The following SPATA6 variants were observed in gnomAD, a reference collection of about 807,000 sequenced individuals.
SPATA6 encodes spermatogenesis-associated protein 6.
SPATA6 carries 56 observed loss-of-function variants against 65.3 expected under a neutral mutation model. That is an observed-to-expected ratio of 0.86 (90% CI 0.69 to 1.07). The LOEUF (loss-of-function observed/expected upper bound fraction) is 1.07, where lower values mean the gene tolerates loss of function less well. SPATA6 is among the 50% of genes least tolerant of loss of function. SPATA6 has a pLI of 0.00. For synonymous variants in SPATA6, 199 were observed against 213.2 expected (o/e 0.93, Z 0.58); for missense variants, 590 against 594.8 (o/e 0.99, Z 0.08).
At chr1:48,456,827 A>G (rs1287886972) in intron 1 of SPATA6, among the ~76,000 whole-genome samples, 1 of 152,196 alleles carries the variant, frequency 6.6e-6, no homozygotes, top group African/African-American at 2.4e-5. Flanking sequence ...AAAATTATCC[A>G]GTCTGATTAA....
intron 5 of SPATA6, among the ~76,000 whole-genome samples, chr1:48,407,349 T>C (rs545856422): frequency 2.0e-5 from 3 of 152,296 alleles, no homozygotes; most frequent in East Asian, 1.9e-4. Context: ...CCTTTATTGT[T>C]ACCTTACTCC....
rs1406645367 is a variant in SPATA6 at position 48,329,733 on chromosome 1, C to T, written c.1195-23855G>A. ...CATCAGGGCAGAGGAACACAGAGAG[C>T]ACAAAGGAGTAAAGTTGGGCACCGC... is the stretch of plus-strand genomic sequence containing the variant. On this transcript the variant is annotated intron_variant, in intron 11 of 12. Transcript: ENST00000371847. Among the ~76,000 whole-genome samples, 3 of 152,170 alleles carry T rather than the reference C, an allele frequency of 2.0e-5. No individual in the cohort carries two copies. In the East Asian group the frequency reaches 5.8e-4, roughly 29 times the overall value.
rs1409165168 is a variant in SPATA6, at chr1:48,398,370, G to A, written c.780+981C>T. ...GACAATATTTAAATTGTTTTAAAAA[G>A]GTATCATAAAGAAAATCTGAACTTT... is the stretch of plus-strand genomic sequence containing the variant. On this transcript the variant is annotated intron_variant, in intron 7 of 12. Coordinates refer to ENST00000371847, the MANE Select transcript of SPATA6 (RefSeq NM_019073.4). 2.0e-5 allele frequency among the ~76,000 whole-genome samples: 3 copies of A among 151,358 alleles called. No individual in the cohort carries two copies. In the South Asian group the frequency reaches 6.2e-4, roughly 31 times the overall value.
intron 3 of SPATA6, among the ~76,000 whole-genome samples, chr1:48,447,049 T>C (rs966499711): frequency 1.3e-5 from 2 of 152,126 alleles, no homozygotes; most frequent in Non-Finnish European, 2.9e-5. Flanking sequence ...TAATGAAGAG[T>C]AAATATATTT....
chr1:48,371,895 A>G (rs1489974195), intron 9 of SPATA6, among the ~76,000 whole-genome samples: 3 of 152,154 alleles, frequency 2.0e-5, no homozygotes, highest in African/African-American at 4.8e-5. Flanking sequence ...GATAAACCCA[A>G]CAGATCTCAT....
chr1:48,469,086 G>A (rs549007194), intron 1 of SPATA6, among the ~76,000 whole-genome samples: 1 of 152,246 alleles, frequency 6.6e-6, no homozygotes, highest in Admixed American at 6.5e-5. Flanking sequence ...TCCTGCCTCA[G>A]TCCCCTGAGT....
intron 3 of SPATA6, among the ~76,000 whole-genome samples, chr1:48,434,259 G>GA (rs530291772): frequency 0.41 from 44,609 of 110,054 alleles, 9,220 homozygotes; most frequent in Non-Finnish European, 0.5. Context: ...AGCAGTGAAA[G>GA]AAAAAAAAAA....
the SPATA6 span, among the ~76,000 whole-genome samples, chr1:48,281,069 CCAAAGA>C: frequency 1.3e-4 from 20 of 152,142 alleles, no homozygotes; most frequent in Non-Finnish European, 2.8e-4. Context: ...ATAAACAGAA[CCAAAGA>C]CAAACACCAC....
intron 11 of SPATA6, among the ~76,000 whole-genome samples, chr1:48,322,780 C>G (rs547046649): frequency 6.6e-6 from 1 of 152,292 alleles, no homozygotes; most frequent in East Asian, 1.9e-4. Context: ...AGACACTTCT[C>G]AAAAGAAGAC....
At chr1:48,448,426 G>A (rs1029926100) in intron 3 of SPATA6, among the ~76,000 whole-genome samples, 11 of 151,178 alleles carry the variant, frequency 7.3e-5, no homozygotes, top group Admixed American at 5.9e-4. Flanking sequence ...CACACTTAAC[G>A]TCATATGATG....
chr1:48,385,403 T>G (rs770411353), intron 8 of SPATA6, 54 bp from the exon 9 acceptor site: 68 of 1,452,798 alleles, frequency 4.7e-5, no homozygotes, highest in Non-Finnish European at 6.3e-5. Flanking sequence ...CATCTTTGAT[T>G]TTTAATACTA....
At chr1:48,308,938 T>A (rs551512845) in intron 11 of SPATA6, among the ~76,000 whole-genome samples, 1 of 152,104 alleles carries the variant, frequency 6.6e-6, no homozygotes, top group Non-Finnish European at 1.5e-5. Flanking sequence ...CAGGCTGAAA[T>A]GCAGTGGCGA....
At chr1:48,337,756 A>T (rs1468564935) in intron 11 of SPATA6, among the ~76,000 whole-genome samples, 1 of 151,978 alleles carries the variant, frequency 6.6e-6, no homozygotes, top group African/African-American at 2.4e-5. Context: ...AATATCAAAC[A>T]TCTAGAGCTA....
At chr1:48,384,738 C>T (rs1006663009) in intron 9 of SPATA6, among the ~76,000 whole-genome samples, 2 of 152,106 alleles carry the variant, frequency 1.3e-5, no homozygotes, top group Non-Finnish European at 2.9e-5. Context: ...TTTTAAGAAA[C>T]AGAGAGCATG....
chr1:48,340,519 T>A (rs1646185464), intron 11 of SPATA6, among the ~76,000 whole-genome samples: 1 of 151,408 alleles, frequency 6.6e-6, no homozygotes, highest in African/African-American at 2.4e-5. Flanking sequence ...TAAAAAAAAT[T>A]GTATTAGACT....
At chr1:48,464,671 T>G (rs751017258) in intron 1 of SPATA6, among the ~76,000 whole-genome samples, 2 of 151,866 alleles carry the variant, frequency 1.3e-5, no homozygotes, top group African/African-American at 2.4e-5. Context: ...CCATACAAAA[T>G]AGACAGATCA....
chr1:48,334,251 G>T (rs1645997736), intron 11 of SPATA6, among the ~76,000 whole-genome samples: 1 of 151,720 alleles, frequency 6.6e-6, no homozygotes, highest in African/African-American at 2.4e-5. Context: ...CAAAATTGAG[G>T]AGGAGCTACT....
chr1:48,417,407 A>G (rs1193908488), intron 3 of SPATA6, among the ~76,000 whole-genome samples: 1 of 152,234 alleles, frequency 6.6e-6, no homozygotes. Flanking sequence ...TATCATGTAT[A>G]ATTAAAGAAG....
chr1:48,277,354 C>T, the SPATA6 span, among the ~76,000 whole-genome samples: 18 of 152,136 alleles, frequency 1.2e-4, no homozygotes, highest in African/African-American at 3.1e-4. Flanking sequence ...GCGCACCATG[C>T]GTGAGCCAAA....
Sources: allele counts gnomAD v4.1 joint callset (sites outside exome capture counted in the v4.1 genomes callset), GRCh38; gene constraint gnomAD v4.1.1; transcripts MANE v1.5; gene names NCBI Gene and HGNC (gene_info 2026-07-23, HGNC 2026-07-21).